MMP16: variants seen among roughly 807,000 people sequenced by gnomAD.
MMP16 encodes the protein matrix metalloproteinase-16.
A neutral mutation model predicts 67.8 loss-of-function variants in MMP16; 12 were observed. The ratio of observed to expected loss-of-function variants is 0.18; its 90% CI spans 0.11 to 0.29. The LOEUF (loss-of-function observed/expected upper bound fraction) is 0.29, where lower values mean the gene tolerates loss of function less well. Among genes scored for constraint, MMP16 ranks in the 10% least tolerant of loss-of-function variants. MMP16 has a pLI of 1.00. For synonymous variants in MMP16, 249 were observed against 255.9 expected, an observed-to-expected ratio of 0.97 and a Z score of 0.26; for missense variants, 475 against 765.7, an observed-to-expected ratio of 0.62 and a Z score of 4.48.
chr8:88,303,189 G>A (rs774471870), intron 1 of MMP16, among the ~76,000 whole-genome samples: 2 of 152,108 alleles, frequency 1.3e-5, no homozygotes, highest in African/African-American at 2.4e-5. Flanking sequence ...ACCCGGGGGC[G>A]GGGCTGAATC....
chr8:88,126,116 A>T (rs1807926665), intron 4 of MMP16, among the ~76,000 whole-genome samples: 1 of 151,874 alleles, frequency 6.6e-6, no homozygotes, highest in South Asian at 2.1e-4. Context: ...TCTTTTAAAA[A>T]TTTTCAATTA....
intron 1 of MMP16, among the ~76,000 whole-genome samples, chr8:88,321,753 T>C (rs1197049522): frequency 6.6e-6 from 1 of 152,182 alleles, no homozygotes. Flanking sequence ...CTTACGACTA[T>C]AAAATTTCAA....
intron 1 of MMP16, among the ~76,000 whole-genome samples, chr8:88,257,112 C>T (rs1181752796): frequency 6.6e-6 from 1 of 152,134 alleles, no homozygotes; most frequent in African/African-American, 2.4e-5. Context: ...TCTTTGAACA[C>T]TTCATAAGGC....
At chr8:88,288,675 G>A (rs1810871777) in intron 1 of MMP16, among the ~76,000 whole-genome samples, 1 of 152,196 alleles carries the variant, frequency 6.6e-6, no homozygotes, top group South Asian at 2.1e-4. Context: ...TGCAGTAGGA[G>A]AGAAATTCTC....
At chr8:88,230,640 AGTGG>A (rs1326016051) in intron 1 of MMP16, among the ~76,000 whole-genome samples, 5 of 151,882 alleles carry the variant, frequency 3.3e-5, no homozygotes, top group Admixed American at 3.3e-4. Flanking sequence ...CATTTTATAC[AGTGG>A]GTGGTAGAAA....
chr8:88,112,187 CTTT>C (rs60025472), intron 6 of MMP16, among the ~76,000 whole-genome samples: 11 of 141,570 alleles, frequency 7.8e-5, no homozygotes, highest in African/African-American at 7.8e-5. Flanking sequence ...GGCAACTATC[CTTT>C]TTTTTTTTTT....
chr8:88,127,633 A>G (rs1042882578), intron 4 of MMP16, among the ~76,000 whole-genome samples: 2 of 151,836 alleles, frequency 1.3e-5, no homozygotes, highest in Non-Finnish European at 2.9e-5. Flanking sequence ...CTTAACATGG[A>G]TTTTGATTAG....
At chr8:88,080,718 G>A (rs1808735244) in intron 6 of MMP16, among the ~76,000 whole-genome samples, 1 of 152,178 alleles carries the variant, frequency 6.6e-6, no homozygotes, top group East Asian at 1.9e-4. Context: ...TTATAGGCGT[G>A]AGCCACCGCG....
intron 9 of MMP16, among the ~76,000 whole-genome samples, chr8:88,045,016 C>T (rs1209745690): frequency 6.6e-6 from 1 of 152,114 alleles, no homozygotes; most frequent in Non-Finnish European, 1.5e-5. Context: ...ATGTTTTAAT[C>T]TTAGTCTCAC....
At chr8:88,187,642 A>G (rs1301344602) in intron 2 of MMP16, among the ~76,000 whole-genome samples, 1 of 152,208 alleles carries the variant, frequency 6.6e-6, no homozygotes. Flanking sequence ...TTACACATTA[A>G]GTAATTTGCA....
intron 1 of MMP16, among the ~76,000 whole-genome samples, chr8:88,280,556 T>C (rs1810716944): frequency 6.6e-6 from 1 of 152,226 alleles, no homozygotes; most frequent in Non-Finnish European, 1.5e-5. Context: ...CACAGACAGA[T>C]GACAGGTAAA....
chr8:88,176,533 G>A (rs1670541007), intron 3 of MMP16, among the ~76,000 whole-genome samples: 1 of 152,186 alleles, frequency 6.6e-6, no homozygotes, highest in Non-Finnish European at 1.5e-5. Context: ...AACGTTTACA[G>A]CTCTGTAGCT....
At chr8:88,232,799 C>T (rs1444527032) in intron 1 of MMP16, among the ~76,000 whole-genome samples, 3 of 152,102 alleles carry the variant, frequency 2.0e-5, no homozygotes, top group African/African-American at 7.2e-5. Flanking sequence ...TTTTGAGTAA[C>T]AGCTATATTT....
rs1808008630 is a variant in MMP16 at position 88,033,255 on chromosome 8, AAG to A, written c.*8204_*8205del. 1 of 150,558 alleles carries A rather than the reference AAG, an allele frequency of 6.6e-6. No individual in the cohort carries two copies. Among genetic ancestry groups the A allele is most frequent in the Non-Finnish European group, 1.5e-5 (1 of 67,614 alleles). 9.3% of individuals were successfully genotyped at this position (150,558 alleles called of 1,614,324 possible). A position where few individuals can be genotyped will look rare whatever the true frequency, so the allele number is the denominator to read the frequency against. ...ATATATGGTATTTATTTGACAAACT[AAG>A]TTTATGGGAGCTTTTTCTCCTTAAT... On this transcript the variant is annotated 3_prime_UTR_variant, in exon 10 of 10. Transcript: ENST00000286614.
intron 4 of MMP16, among the ~76,000 whole-genome samples, chr8:88,164,812 C>T (rs373840817): frequency 6.6e-6 from 1 of 151,424 alleles, no homozygotes; most frequent in African/African-American, 2.4e-5. Flanking sequence ...TAACATAATC[C>T]GGAAGTAGAC....
At chr8:88,294,189 T>C (rs1235233010) in intron 1 of MMP16, among the ~76,000 whole-genome samples, 3 of 151,070 alleles carry the variant, frequency 2.0e-5, no homozygotes, top group Non-Finnish European at 4.4e-5. Flanking sequence ...TGTCTATATA[T>C]ACACATATAT....
chr8:88,258,239 T>G (rs1250993269), intron 1 of MMP16, among the ~76,000 whole-genome samples: 1 of 152,170 alleles, frequency 6.6e-6, no homozygotes, highest in Non-Finnish European at 1.5e-5. Context: ...ACACCTCTGC[T>G]GTGTTAATAA....
intron 5 of MMP16, among the ~76,000 whole-genome samples, chr8:88,117,885 A>G (rs936240004): frequency 4.6e-5 from 7 of 152,122 alleles, no homozygotes; most frequent in Admixed American, 1.3e-4. Flanking sequence ...CATAAAAACA[A>G]AAGCTTCACT....
chr8:88,175,817 T>C (rs7812822), intron 3 of MMP16, among the ~76,000 whole-genome samples: 73,602 of 151,928 alleles, frequency 0.48, 18,536 homozygotes, highest in East Asian at 0.65. Flanking sequence ...CAGGTTTTCC[T>C]GTGCTGTTCT....
Sources: allele counts gnomAD v4.1 joint callset (sites outside exome capture counted in the v4.1 genomes callset), GRCh38; gene constraint gnomAD v4.1.1; transcripts MANE v1.5; gene names NCBI Gene and HGNC (gene_info 2026-07-23, HGNC 2026-07-21).